FHIP1A: variants seen among roughly 807,000 people sequenced by gnomAD.
The protein encoded by FHIP1A is FHF complex subunit HOOK interacting protein 1A.
FHIP1A carries 61 observed loss-of-function variants against 88.6 expected under a neutral mutation model. The ratio of observed to expected loss-of-function variants is 0.69; its 90% CI spans 0.56 to 0.85. FHIP1A has a LOEUF of 0.85. Among genes scored for constraint, FHIP1A ranks in the 40% least tolerant of loss-of-function variants. The pLI, the probability that FHIP1A is intolerant of heterozygous loss-of-function variation, is 0.00. For synonymous variants in FHIP1A, 478 were observed against 496.0 expected, an observed-to-expected ratio of 0.96 and a Z score of 0.48; for missense variants, 1,154 against 1,273.5, an observed-to-expected ratio of 0.91 and a Z score of 1.43.
rs570837707 is a variant in FHIP1A at position 151,629,688 on chromosome 4, G to A, written c.979-14G>A. The A allele has an allele frequency of 4.9e-5, 76 of 1,549,768 alleles. No homozygotes were observed. In the East Asian group the frequency reaches 1.5e-3, roughly 31 times the overall value. On this transcript the variant is annotated splice_polypyrimidine_tract_variant and intron_variant, in intron 7 of 13. Coordinates refer to ENST00000435205, the MANE Select transcript of FHIP1A (RefSeq NM_001109977.3). ...AAGGATGCTCACCTGTGCTCACTCC[G>A]TTGTTTGTCCTAGGTGACTGTGGAA... is the stretch of plus-strand genomic sequence containing the variant.
chr4:151,560,689 T>C (rs532807033), intron 3 of FHIP1A, among the ~76,000 whole-genome samples: 1 of 152,146 alleles, frequency 6.6e-6, no homozygotes, highest in Non-Finnish European at 1.5e-5. Context: ...GTTGGGTTGG[T>C]GGGGAGACTT....
At chr4:151,462,440 A>C (rs982050136) in intron 2 of FHIP1A, among the ~76,000 whole-genome samples, 1 of 152,212 alleles carries the variant, frequency 6.6e-6, no homozygotes, top group African/African-American at 2.4e-5. Context: ...AATTGGTAAA[A>C]TCATTCATTC....
chr4:151,523,479 T>C (rs3929153), intron 3 of FHIP1A, among the ~76,000 whole-genome samples: 101 of 152,124 alleles, frequency 6.6e-4, no homozygotes, highest in African/African-American at 2.3e-3. Context: ...CCGAAGGGAA[T>C]GGACAACATA....
At chr4:151,504,674 T>C (rs1730769456) in intron 3 of FHIP1A, among the ~76,000 whole-genome samples, 1 of 152,196 alleles carries the variant, frequency 6.6e-6, no homozygotes, top group East Asian at 1.9e-4. Flanking sequence ...CAGGCAGAAG[T>C]GCAGTGGTGC....
intron 3 of FHIP1A, among the ~76,000 whole-genome samples, chr4:151,554,505 A>C (rs1296215667): frequency 6.6e-6 from 1 of 152,320 alleles, no homozygotes; most frequent in East Asian, 1.9e-4. Flanking sequence ...TAGTTAAACT[A>C]AAAGGTTTAG....
intron 2 of FHIP1A, among the ~76,000 whole-genome samples, chr4:151,470,759 A>G (rs1729479624): frequency 6.6e-6 from 1 of 152,120 alleles, no homozygotes; most frequent in Admixed American, 6.6e-5. Flanking sequence ...ATCATGTGAA[A>G]GCTCTGTATT....
chr4:151,665,089 C>T lies in FHIP1A; in HGVS notation c.*2335C>T, dbSNP rs1370684810. 6.6e-6 allele frequency among the ~76,000 whole-genome samples: 1 copy of T among 152,168 alleles called. No homozygotes were observed. Among genetic ancestry groups the T allele is most frequent in the Non-Finnish European group, 1.5e-5 (1 of 68,032 alleles). On this transcript the variant is annotated 3_prime_UTR_variant, in exon 14 of 14. Coordinates refer to ENST00000435205, the MANE Select transcript of FHIP1A (RefSeq NM_001109977.3). Reference sequence around the variant, plus strand: ...TCCTGGGCTCAAGTGATCCTCCCACCTCAGCCTTCCGAGTAGCTGGGAATA... The same window carrying T: ...TCCTGGGCTCAAGTGATCCTCCCACTTCAGCCTTCCGAGTAGCTGGGAATA...
intron 6 of FHIP1A, 56 bp from the exon 7 acceptor site, chr4:151,588,784 T>G (rs1734314013): frequency 1.8e-6 from 2 of 1,100,574 alleles, no homozygotes; most frequent in South Asian, 2.7e-5. Context: ...TGTTTTATTT[T>G]AAGAACTGAA....
chr4:151,575,622 A>T (rs899164134), intron 4 of FHIP1A, among the ~76,000 whole-genome samples: 3 of 152,212 alleles, frequency 2.0e-5, no homozygotes, highest in Admixed American at 1.3e-4. Flanking sequence ...ATGTCAACTT[A>T]AGGGTGTTAG....
chr4:151,459,832 A>T (rs908405636), intron 2 of FHIP1A, among the ~76,000 whole-genome samples: 1 of 152,222 alleles, frequency 6.6e-6, no homozygotes, highest in Admixed American at 6.5e-5. Flanking sequence ...TAGAGCTACC[A>T]AAAACAACAA....
intron 3 of FHIP1A, among the ~76,000 whole-genome samples, chr4:151,546,322 T>C (rs1732501753): frequency 6.6e-6 from 1 of 152,184 alleles, no homozygotes; most frequent in Non-Finnish European, 1.5e-5. Flanking sequence ...AACATTGGCT[T>C]TCCTGGTTCT....
At chr4:151,496,716 C>CTT (rs58538673) in intron 3 of FHIP1A, among the ~76,000 whole-genome samples, 3 of 102,468 alleles carry the variant, frequency 2.9e-5, no homozygotes, top group African/African-American at 4.0e-5. Flanking sequence ...CCACGTCCAG[C>CTT]TTTTTTTTTT....
chr4:151,545,905 T>G (rs1732484390), intron 3 of FHIP1A, among the ~76,000 whole-genome samples: 1 of 152,218 alleles, frequency 6.6e-6, no homozygotes, highest in African/African-American at 2.4e-5. Flanking sequence ...GAAACTTTAT[T>G]CATTCAAATA....
chr4:151,551,765 T>C (rs62329090), intron 3 of FHIP1A, among the ~76,000 whole-genome samples: 44,113 of 152,032 alleles, frequency 0.29, 6,647 homozygotes, highest in Non-Finnish European at 0.34. Context: ...ATTCAGGACA[T>C]AGGCATGGGC....
chr4:151,531,983 G>T (rs1437474942), intron 3 of FHIP1A, among the ~76,000 whole-genome samples: 1 of 152,198 alleles, frequency 6.6e-6, no homozygotes, highest in Non-Finnish European at 1.5e-5. Flanking sequence ...AATAAAAAAG[G>T]TAAGTTTTGC....
intron 2 of FHIP1A, among the ~76,000 whole-genome samples, chr4:151,465,385 C>T (rs575832967): frequency 2.6e-4 from 40 of 152,076 alleles, no homozygotes; most frequent in Non-Finnish European, 4.7e-4. Flanking sequence ...AATTAATAGC[C>T]TACCAACCAA....
chr4:151,605,679 C>T (rs1199767939), intron 7 of FHIP1A, among the ~76,000 whole-genome samples: 1 of 152,180 alleles, frequency 6.6e-6, no homozygotes, highest in Non-Finnish European at 1.5e-5. Flanking sequence ...CCGTGGAGCC[C>T]ATTTGTTTTA....
At position 151,620,032 on chromosome 4, in the gene FHIP1A, G is replaced by C. The variant is rs117388036; in HGVS notation, c.979-9670G>C. ...GGAAGAGAGGGAGAATAAATATTGG[G>C]GAGACATTTAGTAGTGCCTGCCATA... On this transcript the variant is annotated intron_variant, in intron 7 of 13. Transcript: ENST00000435205. 1.2e-3 allele frequency among the ~76,000 whole-genome samples: 179 copies of C among 152,248 alleles called. 1 individual carries two copies. In the East Asian group the frequency reaches 0.032, roughly 27 times the overall value.
At chr4:151,489,132 G>C (rs1287934100) in intron 3 of FHIP1A, among the ~76,000 whole-genome samples, 2 of 152,220 alleles carry the variant, frequency 1.3e-5, no homozygotes, top group African/African-American at 2.4e-5. Flanking sequence ...GGAGAAGTCT[G>C]CCTCTGCACC....
Sources: gnomAD v4.1 joint callset for allele counts (sites outside exome capture counted in the v4.1 genomes callset) on GRCh38, gnomAD v4.1.1 for gene constraint, MANE v1.5 for transcripts, NCBI Gene and HGNC (gene_info 2026-07-23, HGNC 2026-07-21) for gene names.